The following GREP1 variants were observed in gnomAD, a reference collection of about 807,000 sequenced individuals.
GREP1 encodes glycine-rich extracellular protein 1.
rs921047962 is a variant in GREP1 at position 2,997,100 on chromosome 16, G to A, written c.886+15G>A. ...CCAGAAGCCAGGTGAGCCCTGCCCCGCCTGTCCCTCTGCCTCCCCCAAACC... is the reference window on the plus strand; with the variant it reads ...CCAGAAGCCAGGTGAGCCCTGCCCCACCTGTCCCTCTGCCTCCCCCAAACC... On this transcript the variant is annotated intron_variant, in intron 21 of 34. Coordinates refer to ENST00000573315, the Ensembl canonical transcript of GREP1. 20 of 398,970 alleles carry A rather than the reference G, an allele frequency of 5.0e-5. No individual in the cohort carries two copies. Among genetic ancestry groups the A allele is most frequent in the South Asian group, 3.8e-4 (3 of 7,856 alleles). The allele number at this position is 398,970 out of a possible 1,614,324, so 24.7% of individuals were successfully genotyped here.
rs1226310154 is a variant in GREP1, at chr16:2,991,445, T to G, written c.322+344T>G. On this transcript the variant is annotated intron_variant, in intron 8 of 34. Transcript: ENST00000573315. The surrounding 1 kb of genome is among the most constrained non-coding windows in gnomAD (Gnocchi z 4.9). ...GGGCAGGAACCCCACCAGGTGAGGG[T>G]GGCTGGGCAGGGGCCGCAGGGAGGG... is the stretch of plus-strand genomic sequence containing the variant. 3.0e-5 allele frequency: 7 copies of G among 229,990 alleles called. No individual in the cohort carries two copies. The highest frequency in any genetic ancestry group is 1.7e-5 in the Non-Finnish European group (2 of 119,592). The allele number at this position is 229,990 out of a possible 1,614,324, so 14.2% of individuals were successfully genotyped here. A position where few individuals can be genotyped will look rare whatever the true frequency, so the allele number is the denominator to read the frequency against.
At chr16:2,996,843 G>A (rs566461731) in intron 20 of GREP1, 138 bp downstream of exon 19, 11 of 399,014 alleles carry the variant, frequency 2.8e-5, no homozygotes, top group African/African-American at 2.1e-4. Context: ...CGAGGACCGA[G>A]GGGAGAGGAG....
intron 5 of GREP1, chr16:2,990,351 G>C (rs561502635): frequency 3.0e-5 from 12 of 398,762 alleles, no homozygotes; most frequent in South Asian, 1.3e-4. Flanking sequence ...AATGGCTATG[G>C]AGCAGGTAGA....
chr16:2,995,508 G>C (rs969823356), intron 15 of GREP1, 111 bp from the exon 16 acceptor site: 19 of 398,674 alleles, frequency 4.8e-5, no homozygotes, highest in South Asian at 1.3e-4. Flanking sequence ...AGTCTCATGG[G>C]GGGCTGAGCT....
At chr16:2,999,641 G>A (rs1437255407) in intron 27 of GREP1, among the ~76,000 whole-genome samples, 4 of 152,024 alleles carry the variant, frequency 2.6e-5, no homozygotes, top group South Asian at 2.1e-4. Context: ...TTGTAGAGTC[G>A]GGGTTTTGTC....
exon 33 of GREP1, chr16:3,000,750 C>A (rs1210432414): frequency 5.0e-6 from 2 of 398,878 alleles, no homozygotes; most frequent in African/African-American, 4.1e-5. Context: ...CGCTGGCCCA[C>A]CCTCCAGGCC....
rs1487578208 is a variant in GREP1, at chr16:2,992,470, G to C, written c.323-335G>C. ...GCCGAAGGGGCTGGGGTGGCTGGGG[G>C]AGAGGTCAGGGGCCCAGGGCCACAC... On this transcript the variant is annotated intron_variant, in intron 8 of 34. Transcript: ENST00000573315. This position sits in a 1 kb window ranked among gnomAD's most constrained non-coding sequence, Gnocchi z 4.9. 1 of 204,540 alleles carries C rather than the reference G, an allele frequency of 4.9e-6. No individual in the cohort carries two copies. The highest frequency in any genetic ancestry group is 9.7e-6 in the Non-Finnish European group (1 of 103,068). The allele number at this position is 204,540 out of a possible 1,614,324, so 12.7% of individuals were successfully genotyped here. A position where few individuals can be genotyped will look rare whatever the true frequency, so the allele number is the denominator to read the frequency against.
intron 19 of GREP1, 36 bp from the exon 19 acceptor site, chr16:2,996,637 G>A (rs773036038): frequency 3.8e-5 from 15 of 399,028 alleles, no homozygotes; most frequent in Non-Finnish European, 5.7e-5. Context: ...CAGCAGCACT[G>A]GCTGGAGTTG....
Position 2,992,545 on chromosome 16 carries a change from T to C in GREP1, c.323-260T>C. The C allele has an allele frequency of 3.0e-6, 1 of 336,240 alleles. No homozygotes were observed. The allele number at this position is 336,240 out of a possible 1,614,324, so 20.8% of individuals were successfully genotyped here. On this transcript the variant is annotated intron_variant, in intron 8 of 34. Transcript: ENST00000573315. This position sits in a 1 kb window ranked among gnomAD's most constrained non-coding sequence, Gnocchi z 4.9. ...TGGGGGTTCATTCATTCACCCAATC[T>C]CCCCTGAGCACCCGTCCCAAGCCAG... is the stretch of plus-strand genomic sequence containing the variant.
intron 33 of GREP1, among the ~76,000 whole-genome samples, 174 bp from the exon 28 acceptor site, chr16:3,001,107 G>T (rs1461397933): frequency 6.6e-6 from 1 of 151,846 alleles, no homozygotes; most frequent in African/African-American, 2.4e-5. Flanking sequence ...GGGCCATCAC[G>T]GACTCAGTTC....
At chr16:2,996,579 G>C in intron 19 of GREP1, 48 bp downstream of exon 18, 1 of 399,424 alleles carries the variant, frequency 2.5e-6, no homozygotes, top group Non-Finnish European at 4.4e-6. Context: ...GGTGGGACGG[G>C]AAGAGAGAAG....
chr16:2,996,456 G>A (rs899771938), intron 18 of GREP1, 40 bp from the exon 18 acceptor site: 32 of 398,760 alleles, frequency 8.0e-5, no homozygotes, highest in African/African-American at 4.1e-4. Flanking sequence ...CACCCCCTCC[G>A]AATGCCGCCG....
chr16:2,997,265 G>A (rs1182879890), intron 21 of GREP1, 180 bp downstream of exon 20: 1 of 398,656 alleles, frequency 2.5e-6, no homozygotes, highest in African/African-American at 2.1e-5. Flanking sequence ...ACACCAAAAT[G>A]AGGGAGGAGA....
At position 2,991,538 on chromosome 16, in the gene GREP1, C is replaced by T; in HGVS notation, c.322+437C>T. The stretch of plus-strand genomic sequence containing the variant: ...AGGAGCTCTTAGGGTCAATGTCAGC[C>T]TCTTTCTAGCTCTCCCCAGGCCTGG... On this transcript the variant is annotated intron_variant, in intron 8 of 34. Transcript: ENST00000573315. This position sits in a 1 kb window ranked among gnomAD's most constrained non-coding sequence, Gnocchi z 4.9. The T allele has an allele frequency of 6.4e-6, 1 of 156,630 alleles. No homozygotes were observed. Among genetic ancestry groups the T allele is most frequent in the East Asian group, 1.9e-4 (1 of 5,392 alleles). The allele number at this position is 156,630 out of a possible 1,614,324, so 9.7% of individuals were successfully genotyped here.
At chr16:2,998,794 C>T (rs981677097) in intron 25 of GREP1, 54 bp from the exon 24 acceptor site, 2 of 398,904 alleles carry the variant, frequency 5.0e-6, no homozygotes, top group African/African-American at 2.1e-5. Context: ...TGGGTGGCGT[C>T]GGTGAGGACT....
intron 7 of GREP1, among the ~76,000 whole-genome samples, chr16:2,990,833 C>T (rs962899967): frequency 6.6e-5 from 10 of 152,106 alleles, no homozygotes; most frequent in Admixed American, 5.2e-4. Flanking sequence ...TGCCTCAGCT[C>T]GGTGTGGCTG....
At chr16:2,990,375 G>A (rs2072392270) in intron 5 of GREP1, 177 bp from the exon 6 acceptor site, 2 of 398,872 alleles carry the variant, frequency 5.0e-6, no homozygotes, top group Non-Finnish European at 8.8e-6. Context: ...GGGAGTGGGG[G>A]AGCTGGAAGC....
chr16:3,000,153 G>A (rs1434352495), intron 29 of GREP1, 35 bp downstream of exon 26: 8 of 399,018 alleles, frequency 2.0e-5, no homozygotes, highest in Admixed American at 8.8e-5. Flanking sequence ...CATGTTGAGC[G>A]GAAGCTGGCA....
In GREP1 at chr16:2,989,448, G is replaced by A. The variant is rs936887034; in HGVS notation, c.101-75G>A. On this transcript the variant is annotated intron_variant, in intron 2 of 34. Transcript: ENST00000573315. The surrounding 1 kb of genome is among the most constrained non-coding windows in gnomAD (Gnocchi z 4.2). ...ACAGATCTGGTAAAGCTGGTGGCGG[G>A]GTGCTTGGGGAGGGTGGCACACCGG... 2.5e-6 allele frequency: 1 copy of A among 399,160 alleles called. No individual in the cohort carries two copies. Among genetic ancestry groups the A allele is most frequent in the Non-Finnish European group, 4.4e-6 (1 of 226,144 alleles). The allele number at this position is 399,160 out of a possible 1,614,324, so 24.7% of individuals were successfully genotyped here.
Sources: allele counts gnomAD v4.1 joint callset (sites outside exome capture counted in the v4.1 genomes callset), GRCh38; gene constraint gnomAD v4.1.1; non-coding constraint Gnocchi (gnomAD v3.1); transcripts MANE v1.5; gene names NCBI Gene and HGNC (gene_info 2026-07-23, HGNC 2026-07-21).